Variants in MIB1 observed in about 807,000 individuals in gnomAD.
MIB1 encodes the protein MIB E3 ubiquitin protein ligase 1.
MIB1 carries 278 observed loss-of-function variants against 124.5 expected under a neutral mutation model. The observed-to-expected ratio is 2.23, with a 90% CI of 2.02 to 2.47. The LOEUF is 2.47. Ranked by LOEUF, MIB1 falls within the 30% of genes most tolerant of loss-of-function variation. The pLI, the probability that MIB1 is intolerant of heterozygous loss-of-function variation, is 0.00. For synonymous variants in MIB1, 446 were observed against 429.4 expected (o/e 1.04, Z -0.48); for missense variants, 957 against 1,254.4 (o/e 0.76, Z 3.58).
intron 1 of MIB1, among the ~76,000 whole-genome samples, chr18:21,724,728 ATATATATATAT>A (rs1212142595): frequency 9.0e-4 from 17 of 18,832 alleles, no homozygotes; most frequent in African/African-American, 1.3e-3. Context: ...AAAAAAAAAA[ATATATATATAT>A]ATATATATAT....
intron 20 of MIB1, among the ~76,000 whole-genome samples, chr18:21,861,695 T>G (rs1348624566): frequency 6.6e-6 from 1 of 151,598 alleles, no homozygotes; most frequent in Non-Finnish European, 1.5e-5. Context: ...CGAATAACTC[T>G]GCTCATTTAA....
rs767959946 is a variant in MIB1 at position 21,741,579 on chromosome 18, C to G, written c.-5C>G. On this transcript the variant is annotated 5_prime_UTR_variant, in exon 1 of 21. Transcript: ENST00000261537. This position sits in a 1 kb window ranked among gnomAD's most constrained non-coding sequence, Gnocchi z 5.4. ...GCAGCGGCGGAGCCCACCGCCCGGG[C>G]CCCGATGAGTAACTCCCGGAATAAC... is the stretch of plus-strand genomic sequence containing the variant. 6 of 1,476,664 alleles carry G rather than the reference C, an allele frequency of 4.1e-6. No homozygotes were observed. The South Asian group carries it at 8.3e-5, about 20-fold the overall frequency. 91.5% of individuals were successfully genotyped at this position (1,476,664 alleles called of 1,614,324 possible). A position where few individuals can be genotyped will look rare whatever the true frequency, so the allele number is the denominator to read the frequency against.
At chr18:21,795,146 T>G (rs1324695359) in intron 7 of MIB1, among the ~76,000 whole-genome samples, 1 of 151,112 alleles carries the variant, frequency 6.6e-6, no homozygotes, top group Admixed American at 6.6e-5. Flanking sequence ...GCTGTTTGCC[T>G]TTTAGTTGTA....
In MIB1 at chr18:21,768,708, T is replaced by G. The variant is rs757134670; in HGVS notation, c.487T>G (p.Trp163Gly). The G allele has an allele frequency of 6.2e-7, 1 of 1,611,368 alleles. No individual in the cohort carries two copies. The change falls in exon 3 of 21, where the codon TGG becomes GGG. Residue 163 changes from tryptophan (W) to glycine (G), a missense_variant. Transcript: ENST00000261537. ...TGCCAGAGTGGTGCGAGGAGTGGAC[T>G]GGCAGTGGGAAGATCAAGATGGAGG... ...AGARVVRGVD[W>G]QWEDQDGGNG...
At chr18:21,717,455 G>A (rs1325378373) in intron 1 of MIB1, among the ~76,000 whole-genome samples, 1 of 152,142 alleles carries the variant, frequency 6.6e-6, no homozygotes, top group Non-Finnish European at 1.5e-5. Context: ...AGGGTAAACA[G>A]ACAACCCACA....
rs2042324154 is a variant in MIB1, at chr18:21,866,731, T to TAAA, written c.*2066_*2067insAAA. 6.6e-6 allele frequency: 1 copy of TAAA among 152,258 alleles called. No homozygotes were observed. The highest frequency in any genetic ancestry group is 2.4e-5 in the African/African-American group (1 of 41,468). 9.4% of individuals were successfully genotyped at this position (152,258 alleles called of 1,614,324 possible). ...ATAGCATCTTCCAGACTAGTTTAAT[T>TAAA]ATTTCCTTTATAAGAATATGACATA... On this transcript the variant is annotated 3_prime_UTR_variant, in exon 21 of 21. Coordinates refer to ENST00000261537, the MANE Select transcript of MIB1 (RefSeq NM_020774.4).
chr18:21,753,786 C>G (rs993860055), intron 1 of MIB1, among the ~76,000 whole-genome samples: 1 of 152,056 alleles, frequency 6.6e-6, no homozygotes, highest in South Asian at 2.1e-4. Context: ...AAGCAATTCT[C>G]CTGCCTCGAT....
At chr18:21,823,023 T>G (rs1725103560) in intron 12 of MIB1, among the ~76,000 whole-genome samples, 1 of 151,988 alleles carries the variant, frequency 6.6e-6, no homozygotes, top group Admixed American at 6.6e-5. Context: ...CACTTGAGGC[T>G]AGGAGTTTGA....
chr18:21,838,579 T>G, intron 13 of MIB1, 82 bp downstream of exon 13: 1 of 1,166,424 alleles, frequency 8.6e-7, no homozygotes, highest in Non-Finnish European at 1.2e-6. Context: ...TATTTATTGC[T>G]TTATAAATTG....
intron 12 of MIB1, among the ~76,000 whole-genome samples, chr18:21,832,177 G>T (rs984120113): frequency 1.3e-5 from 2 of 151,938 alleles, no homozygotes; most frequent in African/African-American, 4.8e-5. Context: ...ATAATGCTTT[G>T]GTAAAAAACA....
chr18:21,729,149 A>G (rs572615659), intron 1 of MIB1, among the ~76,000 whole-genome samples: 17 of 152,274 alleles, frequency 1.1e-4, no homozygotes, highest in African/African-American at 3.6e-4. Context: ...TATATATCTG[A>G]TTATATAGAA....
chr18:21,828,009 A>T (rs1217447134), intron 12 of MIB1: 1 of 152,026 alleles, frequency 6.6e-6, no homozygotes, highest in Non-Finnish European at 1.5e-5. Context: ...GGTACTGCTT[A>T]TAAATTTTGC....
At chr18:21,721,863 T>C (rs2040717240) in intron 1 of MIB1, among the ~76,000 whole-genome samples, 1 of 152,220 alleles carries the variant, frequency 6.6e-6, no homozygotes, top group Non-Finnish European at 1.5e-5. Context: ...ATATCTTACA[T>C]TACTGTGGAG....
chr18:21,864,942 C>T lies in MIB1; in HGVS notation c.*276C>T. 1 of 250,472 alleles carries T rather than the reference C, an allele frequency of 4.0e-6. No individual in the cohort carries two copies. The highest frequency in any genetic ancestry group is 7.5e-6 in the Non-Finnish European group (1 of 133,268). 15.5% of individuals were successfully genotyped at this position (250,472 alleles called of 1,614,324 possible). A position where few individuals can be genotyped will look rare whatever the true frequency, so the allele number is the denominator to read the frequency against. ...TAAGAGGAAAGTCCTTTAAGGATAT[C>T]CTTTTTTAAAAAATTGCATTTTTCT... On this transcript the variant is annotated 3_prime_UTR_variant, in exon 21 of 21. Transcript: ENST00000261537.
chr18:21,768,484 A>G, intron 2 of MIB1, 139 bp from the exon 3 acceptor site: 1 of 519,874 alleles, frequency 1.9e-6, no homozygotes, highest in South Asian at 2.3e-5. Context: ...GTATTCCTGT[A>G]TCATGCTATT....
chr18:21,780,374 A>T (rs947189368), intron 6 of MIB1, among the ~76,000 whole-genome samples: 1 of 151,606 alleles, frequency 6.6e-6, no homozygotes, highest in Non-Finnish European at 1.5e-5. Flanking sequence ...TTACCATCTC[A>T]CTCATCCCCC....
At chr18:21,804,076 T>A in intron 10 of MIB1, 62 bp downstream of exon 10, 1 of 1,164,906 alleles carries the variant, frequency 8.6e-7, no homozygotes, top group East Asian at 2.5e-5. Context: ...TACTTCTATA[T>A]CATGAGATGG....
At chr18:21,716,425 T>A (rs2040689913) in intron 1 of MIB1, among the ~76,000 whole-genome samples, 1 of 151,994 alleles carries the variant, frequency 6.6e-6, no homozygotes, top group Non-Finnish European at 1.5e-5. Flanking sequence ...AAAGCATAAA[T>A]CTTACAGGAC....
At chr18:21,837,648 C>T (rs749901590) in intron 12 of MIB1, among the ~76,000 whole-genome samples, 3 of 152,118 alleles carry the variant, frequency 2.0e-5, no homozygotes, top group Non-Finnish European at 4.4e-5. Context: ...GAGTTTAAAT[C>T]TTTAATTCTC....
Sources: allele counts gnomAD v4.1 joint callset (sites outside exome capture counted in the v4.1 genomes callset), GRCh38; gene constraint gnomAD v4.1.1; non-coding constraint Gnocchi (gnomAD v3.1); transcripts MANE v1.5; gene names NCBI Gene and HGNC (gene_info 2026-07-23, HGNC 2026-07-21).